Variants in DLG2 observed in about 807,000 individuals in gnomAD.
The protein encoded by DLG2 is disks large homolog 2.
A neutral mutation model predicts 132.5 loss-of-function variants in DLG2; 45 were observed. That is an observed-to-expected ratio of 0.34 (90% CI 0.27 to 0.44). DLG2 has a LOEUF of 0.44. DLG2 is among the 20% of genes least tolerant of loss of function. The pLI is 1.00. For missense variants in DLG2, 1,045 were observed against 1,196.9 expected, an observed-to-expected ratio of 0.87 and a Z score of 1.87; for synonymous variants, 424 against 419.6, an observed-to-expected ratio of 1.01 and a Z score of -0.13.
intron 14 of DLG2, among the ~76,000 whole-genome samples, chr11:83,948,775 T>G (rs1396493586): frequency 6.6e-6 from 1 of 152,146 alleles, no homozygotes; most frequent in Non-Finnish European, 1.5e-5. Context: ...ACTTAACTGC[T>G]CTGTGCCTAG....
intron 14 of DLG2, among the ~76,000 whole-genome samples, chr11:83,935,486 T>G (rs1349495215): frequency 2.6e-5 from 4 of 152,186 alleles, no homozygotes. Context: ...TACTGAACTT[T>G]AAGCAGAAAG....
rs549561671 is a variant in DLG2 at position 84,656,442 on chromosome 11, A to C, written c.358-121711T>G. On this transcript the variant is annotated intron_variant, in intron 6 of 27. Coordinates refer to ENST00000376104, the MANE Select transcript of DLG2 (RefSeq NM_001142699.3). Reference sequence around the variant, plus strand: ...CAATATAATACACTGAAATTTTAGAAAAACTTTATCATACGAAGAGTATAG... The same window carrying C: ...CAATATAATACACTGAAATTTTAGACAAACTTTATCATACGAAGAGTATAG... 5.3e-5 allele frequency among the ~76,000 whole-genome samples: 8 copies of C among 152,316 alleles called. No individual in the cohort carries two copies. In the East Asian group the frequency reaches 1.3e-3, roughly 26 times the overall value.
intron 6 of DLG2, among the ~76,000 whole-genome samples, chr11:84,696,978 A>AT (rs2058683813): frequency 6.6e-6 from 1 of 151,394 alleles, no homozygotes; most frequent in South Asian, 2.1e-4. Flanking sequence ...TATTAAAGAG[A>AT]TTGACTCAGG....
intron 18 of DLG2, among the ~76,000 whole-genome samples, chr11:83,733,657 A>G (rs2091414403): frequency 6.6e-6 from 1 of 152,152 alleles, no homozygotes; most frequent in Non-Finnish European, 1.5e-5. Flanking sequence ...TCCTCTCTAC[A>G]ATCATCACTT....
At chr11:84,967,738 T>C (rs1218612029) in intron 6 of DLG2, among the ~76,000 whole-genome samples, 2 of 152,110 alleles carry the variant, frequency 1.3e-5, no homozygotes, top group African/African-American at 4.8e-5. Flanking sequence ...ATTTCCATGA[T>C]TGGAAAAATC....
At chr11:84,010,888 A>G (rs911041174) in intron 11 of DLG2, among the ~76,000 whole-genome samples, 3 of 151,958 alleles carry the variant, frequency 2.0e-5, no homozygotes, top group Admixed American at 2.0e-4. Flanking sequence ...TGGGTATACA[A>G]CTCTTGCATT....
intron 14 of DLG2, among the ~76,000 whole-genome samples, chr11:83,935,668 T>C (rs923773218): frequency 1.3e-5 from 2 of 152,182 alleles, no homozygotes; most frequent in African/African-American, 4.8e-5. Flanking sequence ...TAGATGCCTA[T>C]TTGCGCCACG....
chr11:84,093,956 T>A (rs1220120858), intron 10 of DLG2, among the ~76,000 whole-genome samples: 2 of 151,814 alleles, frequency 1.3e-5, no homozygotes, highest in Non-Finnish European at 2.9e-5. Context: ...GTGGGTCTTT[T>A]TTTTTTTATT....
At chr11:84,315,912 A>T (rs900596833) in intron 7 of DLG2, among the ~76,000 whole-genome samples, 2 of 152,180 alleles carry the variant, frequency 1.3e-5, no homozygotes, top group Non-Finnish European at 2.9e-5. Context: ...CTAAAATCAT[A>T]TTAAAATTGA....
chr11:85,428,378 T>C (rs969447346), intron 3 of DLG2, among the ~76,000 whole-genome samples: 2 of 152,172 alleles, frequency 1.3e-5, no homozygotes, highest in African/African-American at 4.8e-5. Flanking sequence ...TAGTCGGAAG[T>C]AAAGCACTCC....
intron 17 of DLG2, among the ~76,000 whole-genome samples, chr11:83,831,908 A>G (rs946776441): frequency 6.6e-6 from 1 of 152,190 alleles, no homozygotes; most frequent in Non-Finnish European, 1.5e-5. Flanking sequence ...GGAAACAGGA[A>G]AAGAAAGGAA....
At chr11:84,993,078 T>C (rs1438892682) in intron 6 of DLG2, among the ~76,000 whole-genome samples, 4 of 152,222 alleles carry the variant, frequency 2.6e-5, no homozygotes, top group African/African-American at 9.6e-5. Flanking sequence ...ATATATACCA[T>C]GGAATACTAT....
intron 18 of DLG2, among the ~76,000 whole-genome samples, chr11:83,748,720 T>C (rs2093091912): frequency 1.3e-5 from 2 of 152,208 alleles, no homozygotes; most frequent in African/African-American, 4.8e-5. Context: ...TCTTTGTCCA[T>C]TAGTATATAG....
intron 3 of DLG2, among the ~76,000 whole-genome samples, chr11:85,360,915 G>C (rs2084093293): frequency 6.6e-6 from 1 of 152,020 alleles, no homozygotes; most frequent in Admixed American, 6.6e-5. Context: ...TGACTACAGT[G>C]GTAATAATAG....
Position 83,786,727 on chromosome 11 carries a change from T to C in DLG2, c.1788A>G (p.Gly596=), listed in dbSNP as rs2040034015. The change falls in exon 18 of 28, where the codon GGA becomes GGG. Residue 596 remains glycine, a synonymous_variant. Transcript: ENST00000376104. ...ATTGTGCTATAATCGTCACTGTCTGTCCAGCCCCCTTTAGTGCAGCAGCTG... is the reference window on the plus strand; with the variant it reads ...ATTGTGCTATAATCGTCACTGTCTGCCCAGCCCCCTTTAGTGCAGCAGCTG... ...EQAAAALKGA[G]QTVTIIAQYQ... is the part of the protein sequence containing the mutation. 6.2e-7 allele frequency: 1 copy of C among 1,614,200 alleles called. No individual in the cohort carries two copies.
chr11:83,938,435 G>C (rs1020155120), intron 14 of DLG2, among the ~76,000 whole-genome samples: 1 of 152,192 alleles, frequency 6.6e-6, no homozygotes, highest in Non-Finnish European at 1.5e-5. Flanking sequence ...GTAACAGCAC[G>C]TGCAGATTTA....
chr11:84,361,922 T>C (rs1441103864), intron 7 of DLG2, among the ~76,000 whole-genome samples: 4 of 151,886 alleles, frequency 2.6e-5, no homozygotes, highest in East Asian at 1.9e-4. Flanking sequence ...AATAAGCCAA[T>C]AGTTGATCTA....
chr11:84,120,143 C>A (rs2093836868), intron 9 of DLG2, among the ~76,000 whole-genome samples: 1 of 152,116 alleles, frequency 6.6e-6, no homozygotes, highest in African/African-American at 2.4e-5. Flanking sequence ...GTAGATAATT[C>A]TCAAGTGTGC....
intron 8 of DLG2, among the ~76,000 whole-genome samples, chr11:84,212,729 G>C (rs754046940): frequency 6.6e-6 from 1 of 152,048 alleles, no homozygotes; most frequent in South Asian, 2.1e-4. Context: ...GTGCAATCTC[G>C]GCTCACTGCA....
Sources: allele counts gnomAD v4.1 joint callset (sites outside exome capture counted in the v4.1 genomes callset), GRCh38; gene constraint gnomAD v4.1.1; transcripts MANE v1.5; gene names NCBI Gene and HGNC (gene_info 2026-07-23, HGNC 2026-07-21).